Variants in BICRAL observed in about 807,000 individuals in gnomAD.
BICRAL encodes the protein BICRA like chromatin remodeling complex associated protein.
In BICRAL, 8 loss-of-function variants were observed where a neutral mutation model predicts 91.8. The ratio of observed to expected loss-of-function variants is 0.09; its 90% confidence interval spans 0.05 to 0.16. The LOEUF (loss-of-function observed/expected upper bound fraction) is 0.16. Among genes scored for constraint, BICRAL ranks in the 10% least tolerant of loss-of-function variants. The pLI is 1.00. For synonymous variants in BICRAL, 445 were observed against 491.1 expected (o/e 0.91, Z 1.24); for missense variants, 1,038 against 1,310.9 (o/e 0.79, Z 3.21).
intron 1 of BICRAL, among the ~76,000 whole-genome samples, chr6:42,758,729 GAAAA>G (rs976842333): frequency 5.6e-5 from 8 of 143,002 alleles, no homozygotes; most frequent in Non-Finnish European, 1.1e-4. Flanking sequence ...AAAAAAAAAA[GAAAA>G]AAGAATTGAG....
chr6:42,823,648 A>G (rs113829546), intron 5 of BICRAL, among the ~76,000 whole-genome samples: 53 of 150,548 alleles, frequency 3.5e-4, no homozygotes, highest in African/African-American at 1.3e-3. Context: ...AATAGACCAG[A>G]TGTGGTGGCT....
chr6:42,829,969 G>T lies in BICRAL; in HGVS notation c.1636G>T (p.Ala546Ser). 1 of 1,614,200 alleles carries T rather than the reference G, an allele frequency of 6.2e-7. No individual in the cohort carries two copies. ...GPSRFPAVSS[A>S]STAHPSLGSA... is the part of the protein sequence containing the mutation. ...TAGTCGGTTCCCTGCTGTCAGCTCA[G>T]CCAGCACTGCCCATCCTAGTCTTGG... Residue 546 changes from alanine (A) to serine (S), a missense_variant, in exon 6 of 13, where the codon GCC becomes TCC. By Grantham distance (99) the Ala-to-Ser change is moderately conservative. Coordinates refer to ENST00000314073, the MANE Select transcript of BICRAL (RefSeq NM_001393499.1).
chr6:42,811,055 A>G (rs1001534117), intron 2 of BICRAL, among the ~76,000 whole-genome samples: 75 of 152,326 alleles, frequency 4.9e-4, no homozygotes, highest in Middle Eastern at 3.4e-3. Context: ...ATAAATGACT[A>G]TGGGGCCAAA....
At chr6:42,791,890 G>A (rs908738574) in intron 1 of BICRAL, among the ~76,000 whole-genome samples, 2 of 152,106 alleles carry the variant, frequency 1.3e-5, no homozygotes. Flanking sequence ...AACCAATATG[G>A]TATAACCTAC....
Position 42,852,177 on chromosome 6 carries a change from T to C in BICRAL, c.1925T>C (p.Leu642Pro). The change falls in exon 7 of 13, where the codon CTC (leucine) becomes CCC (proline). Residue 642 changes from leucine (L) to proline (P), a missense_variant. Physicochemically the swap from Leu to Pro is moderately conservative, Grantham distance 98. Around this residue, in one of 5 missense-constraint regions of BICRAL, gnomAD observed 532 missense variants for 724.9 expected, o/e 0.73. Coordinates refer to ENST00000314073, the MANE Select transcript of BICRAL (RefSeq NM_001393499.1). ...CTGAGGCAAGCACAGATCCCTGGGCTCTTGAGCACCACACTGCCAGGTCAG... is the reference window on the plus strand; with the variant it reads ...CTGAGGCAAGCACAGATCCCTGGGCCCTTGAGCACCACACTGCCAGGTCAG... Reference protein sequence around the residue: ...DGLRQAQIPGLLSTTLPGQDS... With the variant: ...DGLRQAQIPGPLSTTLPGQDS... The C allele has an allele frequency of 6.2e-7, 1 of 1,611,104 alleles. No individual in the cohort carries two copies. The highest frequency in any genetic ancestry group is 8.5e-7 in the Non-Finnish European group (1 of 1,177,242).
chr6:42,804,549 T>C (rs1390101482), intron 1 of BICRAL, among the ~76,000 whole-genome samples: 1 of 152,178 alleles, frequency 6.6e-6, no homozygotes, highest in Non-Finnish European at 1.5e-5. Context: ...GCATTGTCAG[T>C]TGACCGCTTG....
At chr6:42,831,615 C>T (rs1162949157) in intron 6 of BICRAL, among the ~76,000 whole-genome samples, 2 of 152,200 alleles carry the variant, frequency 1.3e-5, no homozygotes, top group African/African-American at 4.8e-5. Flanking sequence ...TCCTCCTCTT[C>T]TCATCTGGGA....
intron 1 of BICRAL, among the ~76,000 whole-genome samples, chr6:42,786,968 AGGGGTTTTAATTT>A (rs1763120711): frequency 6.6e-6 from 1 of 152,148 alleles, no homozygotes; most frequent in Non-Finnish European, 1.5e-5. Flanking sequence ...TGGCAATGAG[AGGGGTTTTAATTT>A]GGGCAGTGAT....
chr6:42,777,299 A>G (rs1310482134), upstream of BICRAL, among the ~76,000 whole-genome samples: 1 of 152,234 alleles, frequency 6.6e-6, no homozygotes, highest in African/African-American at 2.4e-5. Context: ...GGTGGGTACT[A>G]TAATCATCCC....
In BICRAL at chr6:42,865,149, A is replaced by G. The variant is rs1765676223; in HGVS notation, c.2943A>G (p.Pro981=). 1 of 1,614,202 alleles carries G rather than the reference A, an allele frequency of 6.2e-7. No homozygotes were observed. Residue 981 remains proline (P), a synonymous_variant, in exon 13 of 13, where the codon CCA becomes CCG. Coordinates refer to ENST00000314073, the MANE Select transcript of BICRAL (RefSeq NM_001393499.1). ...AGGACAAAAGTCTGAGGAATTCTCCAAAGAATGAAGTTTTACACACAGACA... is the reference window on the plus strand; with the variant it reads ...AGGACAAAAGTCTGAGGAATTCTCCGAAGAATGAAGTTTTACACACAGACA... ...SFQDKSLRNS[P]KNEVLHTDIM...
At chr6:42,826,797 T>G (rs528125219) in intron 5 of BICRAL, among the ~76,000 whole-genome samples, 2 of 152,124 alleles carry the variant, frequency 1.3e-5, no homozygotes, top group East Asian at 1.9e-4. Flanking sequence ...TTGTTTGTTT[T>G]TTTTTTGAGA....
intron 1 of BICRAL, among the ~76,000 whole-genome samples, chr6:42,805,043 A>G (rs891006523): frequency 6.6e-6 from 1 of 152,220 alleles, no homozygotes; most frequent in African/African-American, 2.4e-5. Flanking sequence ...AGCATAATGA[A>G]GATAATCGCA....
At chr6:42,812,467 G>A (rs1486437016) in intron 2 of BICRAL, among the ~76,000 whole-genome samples, 6 of 152,014 alleles carry the variant, frequency 3.9e-5, no homozygotes, top group Admixed American at 3.3e-4. Context: ...TCTTATATAA[G>A]TTCAAGAAAA....
intron 1 of BICRAL, among the ~76,000 whole-genome samples, chr6:42,782,361 T>TGGGG (rs1762938771): frequency 4.3e-5 from 1 of 23,086 alleles, no homozygotes; most frequent in Non-Finnish European, 7.6e-5. Context: ...GGTGGGTTTG[T>TGGGG]GGGTGGGTGA....
At chr6:42,835,222 G>A (rs553081485) in intron 6 of BICRAL, among the ~76,000 whole-genome samples, 12 of 151,644 alleles carry the variant, frequency 7.9e-5, no homozygotes, top group South Asian at 2.1e-4. Context: ...TCTGCCTCCC[G>A]GGTTCAAGCT....
intron 1 of BICRAL, among the ~76,000 whole-genome samples, chr6:42,756,071 C>T (rs11759402): frequency 0.15 from 22,543 of 152,170 alleles, 1,814 homozygotes; most frequent in South Asian, 0.22. Context: ...ACCTTTTGTC[C>T]TATCATCCAC....
intron 2 of BICRAL, among the ~76,000 whole-genome samples, chr6:42,819,522 G>A (rs1562477571): frequency 6.6e-6 from 1 of 152,104 alleles, no homozygotes; most frequent in South Asian, 2.1e-4. Flanking sequence ...CTGACCTCAG[G>A]TGATCCACCC....
chr6:42,780,057 A>G (rs970804447), upstream of BICRAL, among the ~76,000 whole-genome samples: 1 of 151,972 alleles, frequency 6.6e-6, no homozygotes, highest in Non-Finnish European at 1.5e-5. Flanking sequence ...TGTGCCACAC[A>G]TACCTGGCTA....
At chr6:42,838,341 C>T (rs936405647) in intron 6 of BICRAL, among the ~76,000 whole-genome samples, 1 of 152,174 alleles carries the variant, frequency 6.6e-6, no homozygotes, top group Non-Finnish European at 1.5e-5. Flanking sequence ...ACTTGTCTGA[C>T]TGGAAGTATG....
Sources: gnomAD v4.1 joint callset for allele counts (sites outside exome capture counted in the v4.1 genomes callset) on GRCh38, gnomAD v4.1.1 for gene constraint, gnomAD v4.1.1 regional missense constraint, MANE v1.5 for transcripts, NCBI Gene and HGNC (gene_info 2026-07-23, HGNC 2026-07-21) for gene names.